The following RAI14 variants were observed in gnomAD, a reference collection of about 807,000 sequenced individuals.
RAI14 encodes ankycorbin.
A neutral mutation model predicts 115.4 loss-of-function variants in RAI14; 45 were observed. That is an observed-to-expected ratio of 0.39 (90% confidence interval 0.31 to 0.50). The LOEUF (loss-of-function observed/expected upper bound fraction) is 0.50. Ranked by LOEUF, RAI14 falls within the 20% of genes least tolerant of loss-of-function variation. The probability of loss-of-function intolerance (pLI) is 0.85; values close to 1 mark genes in which losing one functional copy is unlikely to be tolerated. For synonymous variants in RAI14, 371 were observed against 415.4 expected (o/e 0.89, Z 1.30); for missense variants, 939 against 1,131.2 (o/e 0.83, Z 2.44).
At chr5:34,784,656 G>A (rs953657127) in intron 3 of RAI14, among the ~76,000 whole-genome samples, 1 of 152,178 alleles carries the variant, frequency 6.6e-6, no homozygotes, top group African/African-American at 2.4e-5. Flanking sequence ...TCCTGCTCAT[G>A]GACAATAACA....
chr5:34,791,307 C>T lies in RAI14; in HGVS notation c.168-4632C>T, dbSNP rs752548362. Among the ~76,000 whole-genome samples, 3 of 152,056 alleles carry T rather than the reference C, an allele frequency of 2.0e-5. No homozygotes were observed. The highest frequency in any genetic ancestry group is 2.9e-5 in the Non-Finnish European group (2 of 68,018). Reference sequence around the variant, plus strand: ...TTACTAAAGTCATTTGTTTTTCTTACCCGTGGAGAGGTGTATTCTTGAACC... The same window carrying T: ...TTACTAAAGTCATTTGTTTTTCTTATCCGTGGAGAGGTGTATTCTTGAACC... On this transcript the variant is annotated intron_variant, in intron 3 of 17. Transcript: ENST00000265109. This position sits in a 1 kb window ranked among gnomAD's most constrained non-coding sequence, Gnocchi z 5.4.
intron 12 of RAI14, among the ~76,000 whole-genome samples, chr5:34,816,411 AT>A (rs1756229247): frequency 6.6e-6 from 1 of 152,082 alleles, no homozygotes; most frequent in Non-Finnish European, 1.5e-5. Flanking sequence ...TGTATAGTTA[AT>A]TTTTTTCCTG....
chr5:34,761,095 C>A (rs1748591083), intron 3 of RAI14, among the ~76,000 whole-genome samples: 1 of 152,254 alleles, frequency 6.6e-6, no homozygotes, highest in African/African-American at 2.4e-5. Flanking sequence ...TCATGGTAGA[C>A]ATATACATAG....
intron 2 of RAI14, chr5:34,716,913 T>TGG (rs1012164186): frequency 6.6e-5 from 10 of 152,220 alleles, no homozygotes; most frequent in Non-Finnish European, 1.2e-4. Flanking sequence ...TGGAGATTGA[T>TGG]GGAGGATCCT....
intron 3 of RAI14, among the ~76,000 whole-genome samples, chr5:34,765,806 G>A (rs965367251): frequency 2.0e-5 from 3 of 152,160 alleles, no homozygotes; most frequent in Admixed American, 6.5e-5. Flanking sequence ...AGACCTTCAC[G>A]GCAGCCTCTC....
At chr5:34,797,361 G>T (rs1278615790) in intron 4 of RAI14, among the ~76,000 whole-genome samples, 4 of 152,068 alleles carry the variant, frequency 2.6e-5, no homozygotes, top group East Asian at 1.9e-4. Context: ...GTTGGGAACA[G>T]GTTTAGAATT....
chr5:34,725,962 CAAAAA>C (rs199657623), intron 2 of RAI14, among the ~76,000 whole-genome samples: 1 of 113,744 alleles, frequency 8.8e-6, no homozygotes, highest in Non-Finnish European at 1.9e-5. Flanking sequence ...AACTGCTTCT[CAAAAA>C]AAAAAAAAAA....
At chr5:34,737,282 AG>A (rs1449089641) in intron 2 of RAI14, among the ~76,000 whole-genome samples, 1 of 152,112 alleles carries the variant, frequency 6.6e-6, no homozygotes, top group Non-Finnish European at 1.5e-5. Context: ...CTGAGGCTGA[AG>A]GTGCTGGCAT....
At chr5:34,683,791 G>A (rs1195321087) in intron 1 of RAI14, among the ~76,000 whole-genome samples, 1 of 151,612 alleles carries the variant, frequency 6.6e-6, no homozygotes, top group Non-Finnish European at 1.5e-5. Context: ...GCAGTGGCGC[G>A]ATATCGGCTC....
intron 3 of RAI14, among the ~76,000 whole-genome samples, chr5:34,781,094 A>G (rs550326846): frequency 1.3e-5 from 2 of 152,080 alleles, no homozygotes; most frequent in African/African-American, 4.8e-5. Context: ...GCTGGAAACC[A>G]TCATTCTCAG....
intron 4 of RAI14, among the ~76,000 whole-genome samples, chr5:34,800,756 T>C (rs1754159447): frequency 6.6e-6 from 1 of 152,204 alleles, no homozygotes; most frequent in South Asian, 2.1e-4. Flanking sequence ...GAAAACCTGT[T>C]ATTTTATAGT....
At chr5:34,800,723 A>G (rs1200210729) in intron 4 of RAI14, among the ~76,000 whole-genome samples, 1 of 152,248 alleles carries the variant, frequency 6.6e-6, no homozygotes, top group African/African-American at 2.4e-5. Flanking sequence ...AGGTATGACT[A>G]GAACACTTAC....
intron 3 of RAI14, among the ~76,000 whole-genome samples, chr5:34,786,220 TG>T (rs1022452666): frequency 5.9e-5 from 9 of 152,126 alleles, no homozygotes; most frequent in Admixed American, 4.6e-4. Context: ...CCTGTTGATC[TG>T]GGGGGGTGTA....
At chr5:34,798,630 C>G (rs1273705025) in intron 4 of RAI14, among the ~76,000 whole-genome samples, 1 of 152,132 alleles carries the variant, frequency 6.6e-6, no homozygotes, top group Non-Finnish European at 1.5e-5. Context: ...TCATAACACC[C>G]TGTGGGTAGA....
At chr5:34,774,333 T>G (rs1213106403) in intron 3 of RAI14, among the ~76,000 whole-genome samples, 1 of 152,124 alleles carries the variant, frequency 6.6e-6, no homozygotes, top group Non-Finnish European at 1.5e-5. Context: ...ATTGCACCAT[T>G]GCCCTCTAGC....
intron 2 of RAI14, 25 bp downstream of exon 2, chr5:34,686,980 T>C (rs1744957699): frequency 1.2e-6 from 2 of 1,613,064 alleles, no homozygotes; most frequent in Admixed American, 1.7e-5. Context: ...ACTCACAGTC[T>C]GGCTGTTCCT....
At chr5:34,773,436 G>T (rs2150137612) in intron 3 of RAI14, among the ~76,000 whole-genome samples, 1 of 152,170 alleles carries the variant, frequency 6.6e-6, no homozygotes, top group East Asian at 1.9e-4. Flanking sequence ...AAAAAGTTTT[G>T]GCACAGCAAA....
At chr5:34,770,956 T>C (rs1233057480) in intron 3 of RAI14, among the ~76,000 whole-genome samples, 1 of 152,144 alleles carries the variant, frequency 6.6e-6, no homozygotes, top group Non-Finnish European at 1.5e-5. Flanking sequence ...GATACAAGGC[T>C]CCTGTTGCAG....
chr5:34,719,809 C>T (rs981184838), intron 2 of RAI14, among the ~76,000 whole-genome samples: 29 of 152,224 alleles, frequency 1.9e-4, no homozygotes, highest in East Asian at 5.8e-4. Flanking sequence ...AGGTGTAAGA[C>T]GCACCAGCGA....
Sources: gnomAD v4.1 joint callset for allele counts (sites outside exome capture counted in the v4.1 genomes callset) on GRCh38, gnomAD v4.1.1 for gene constraint, Gnocchi (gnomAD v3.1) non-coding constraint, MANE v1.5 for transcripts, NCBI Gene and HGNC (gene_info 2026-07-23, HGNC 2026-07-21) for gene names.